The following CACNA2D2 variants were observed in gnomAD, a reference collection of about 807,000 sequenced individuals.
The protein encoded by CACNA2D2 is calcium voltage-gated channel auxiliary subunit alpha2delta 2.
A neutral mutation model predicts 166.4 loss-of-function variants in CACNA2D2; 48 were observed. That is an observed-to-expected ratio of 0.29 (90% CI 0.23 to 0.37). The LOEUF (loss-of-function observed/expected upper bound fraction) is 0.37, where lower values mean the gene tolerates loss of function less well. CACNA2D2 is among the 10% of genes least tolerant of loss of function. The probability of loss-of-function intolerance (pLI) is 1.00; values close to 1 mark genes in which losing one functional copy is unlikely to be tolerated. For synonymous variants in CACNA2D2, 561 were observed against 573.7 expected, an observed-to-expected ratio of 0.98 and a Z score of 0.32; for missense variants, 1,122 against 1,433.0, an observed-to-expected ratio of 0.78 and a Z score of 3.50.
intron 1 of CACNA2D2, among the ~76,000 whole-genome samples, chr3:50,497,886 T>C (rs1366659770): frequency 6.6e-6 from 1 of 152,182 alleles, no homozygotes; most frequent in Non-Finnish European, 1.5e-5. Context: ...CGAATATTGA[T>C]TCTGTAGCTT....
chr3:50,503,886 A>T (rs1159825146), upstream of CACNA2D2, among the ~76,000 whole-genome samples: 1 of 150,036 alleles, frequency 6.7e-6, no homozygotes, highest in Non-Finnish European at 1.5e-5. Flanking sequence ...CCCACACCTC[A>T]GACCCTGCCG....
intron 3 of CACNA2D2, among the ~76,000 whole-genome samples, chr3:50,433,156 C>T (rs1218263455): frequency 1.3e-5 from 2 of 152,216 alleles, no homozygotes; most frequent in Non-Finnish European, 2.9e-5. Flanking sequence ...CATTAGCAGG[C>T]CTTCCCTATC....
chr3:50,466,235 G>A (rs1430820642), intron 2 of CACNA2D2, among the ~76,000 whole-genome samples: 1 of 152,136 alleles, frequency 6.6e-6, no homozygotes, highest in East Asian at 1.9e-4. Context: ...TGACTGGGGG[G>A]ATGCTCACCA....
At chr3:50,484,157 CT>C (rs1370217767) in intron 1 of CACNA2D2, among the ~76,000 whole-genome samples, 2 of 152,206 alleles carry the variant, frequency 1.3e-5, no homozygotes, top group African/African-American at 4.8e-5. Flanking sequence ...AGGTCAAAGA[CT>C]CTGGGTGACC....
chr3:50,464,720 G>A (rs888853775), intron 2 of CACNA2D2, among the ~76,000 whole-genome samples: 2 of 152,032 alleles, frequency 1.3e-5, no homozygotes, highest in African/African-American at 2.4e-5. Context: ...CGTTTCCCCT[G>A]AGTGGCTCCT....
At chr3:50,456,419 G>A (rs58320299) in intron 2 of CACNA2D2, among the ~76,000 whole-genome samples, 135 of 152,340 alleles carry the variant, frequency 8.9e-4, no homozygotes, top group African/African-American at 3.1e-3. Context: ...GCCCACCGCA[G>A]CCAGACCAAC....
chr3:50,468,633 ACAGAGAACCCAGG>A (rs1451588306), intron 2 of CACNA2D2, among the ~76,000 whole-genome samples: 1 of 151,876 alleles, frequency 6.6e-6, no homozygotes, highest in Non-Finnish European at 1.5e-5. Context: ...AAACTGAGGG[ACAGAGAACCCAGG>A]CAGAGAACCT....
chr3:50,463,774 T>C (rs1359314809), intron 2 of CACNA2D2, among the ~76,000 whole-genome samples: 1 of 152,234 alleles, frequency 6.6e-6, no homozygotes, highest in East Asian at 1.9e-4. Flanking sequence ...CCTCCTTGTA[T>C]GGGACAGACA....
At chr3:50,381,784 G>C (rs987476021) in intron 6 of CACNA2D2, among the ~76,000 whole-genome samples, 2 of 152,016 alleles carry the variant, frequency 1.3e-5, no homozygotes, top group Non-Finnish European at 2.9e-5. Flanking sequence ...TTTCCAGCCA[G>C]ATGGAACCCA....
In CACNA2D2 at chr3:50,381,123, G is replaced by A. The variant is rs1705289693; in HGVS notation, c.656C>T (p.Thr219Ile). 1.2e-6 allele frequency: 2 copies of A among 1,613,628 alleles called. No individual in the cohort carries two copies. The highest frequency in any genetic ancestry group is 1.3e-5 in the African/African-American group (1 of 74,848). Residue 219 changes from threonine (T) to isoleucine (I), a missense_variant, in exon 7 of 38, where the codon ACT becomes ATT. By Grantham distance (89) the Thr-to-Ile change is moderately conservative. Around this residue, in one of 2 missense-constraint regions of CACNA2D2, gnomAD observed 840 missense variants for 1,166.8 expected, o/e 0.72. Transcript: ENST00000424201. The part of the protein sequence containing the change: ...QIPTDIYKGS[T>I]VILNELNWTE... ...CCAGTTGAGCTCATTGAGGATGACAGTGGCTGGGGGGAAGCGGGGAGCTGG... is the reference window on the plus strand; with the variant it reads ...CCAGTTGAGCTCATTGAGGATGACAATGGCTGGGGGGAAGCGGGGAGCTGG...
At chr3:50,460,403 G>A (rs1709539261) in intron 2 of CACNA2D2, among the ~76,000 whole-genome samples, 1 of 152,114 alleles carries the variant, frequency 6.6e-6, no homozygotes, top group African/African-American at 2.4e-5. Context: ...CATCTTCTCT[G>A]TAAATCTAAA....
intron 2 of CACNA2D2, among the ~76,000 whole-genome samples, chr3:50,466,547 A>C (rs1436620215): frequency 1.3e-5 from 2 of 152,158 alleles, no homozygotes; most frequent in East Asian, 3.8e-4. Flanking sequence ...TACAGCACTG[A>C]CGCACAGGGG....
intron 13 of CACNA2D2, 82 bp downstream of exon 13, chr3:50,378,833 A>G: frequency 6.6e-7 from 1 of 1,524,062 alleles, no homozygotes; most frequent in Non-Finnish European, 9.0e-7. Flanking sequence ...ACAGCTGGAC[A>G]TATGGATGGC....
intron 2 of CACNA2D2, among the ~76,000 whole-genome samples, chr3:50,445,163 G>C (rs1708782021): frequency 6.6e-6 from 1 of 152,188 alleles, no homozygotes; most frequent in African/African-American, 2.4e-5. Flanking sequence ...TTGCTGGCTT[G>C]GACGGTTGGG....
At chr3:50,413,979 C>A (rs955214182) in intron 3 of CACNA2D2, among the ~76,000 whole-genome samples, 2 of 151,112 alleles carry the variant, frequency 1.3e-5, no homozygotes, top group Admixed American at 6.6e-5. Context: ...AAACCTGGGA[C>A]ATCCCTAAAG....
intron 3 of CACNA2D2, among the ~76,000 whole-genome samples, chr3:50,411,476 C>A (rs1707013952): frequency 1.3e-5 from 2 of 152,210 alleles, no homozygotes; most frequent in African/African-American, 2.4e-5. Flanking sequence ...AGACACAGTG[C>A]AGCCAATACC....
intron 22 of CACNA2D2, among the ~76,000 whole-genome samples, chr3:50,373,785 G>A (rs1161382680): frequency 7.5e-6 from 1 of 132,522 alleles, no homozygotes; most frequent in Non-Finnish European, 1.6e-5. Flanking sequence ...GATGCAGAGG[G>A]GAGAGAGGTA....
chr3:50,449,966 T>C (rs971920923), intron 2 of CACNA2D2, among the ~76,000 whole-genome samples: 11 of 152,064 alleles, frequency 7.2e-5, no homozygotes, highest in Non-Finnish European at 1.3e-4. Context: ...GGGGACATAG[T>C]GGGAGGTGAG....
chr3:50,429,592 CAAAAAAAA>C (rs1160685582), intron 3 of CACNA2D2, among the ~76,000 whole-genome samples: 60 of 52,646 alleles, frequency 1.1e-3, no homozygotes, highest in East Asian at 3.6e-3. Context: ...ACTAAAAATA[CAAAAAAAA>C]AAAAAAAAAA....
Sources: gnomAD v4.1 joint callset for allele counts (sites outside exome capture counted in the v4.1 genomes callset) on GRCh38, gnomAD v4.1.1 for gene constraint, gnomAD v4.1.1 regional missense constraint, MANE v1.5 for transcripts, NCBI Gene and HGNC (gene_info 2026-07-23, HGNC 2026-07-21) for gene names.